The following KIF15 variants were observed in gnomAD, a reference collection of about 807,000 sequenced individuals.
KIF15 encodes the protein kinesin family member 15, also known as kinesin-like protein KIF15.
A neutral mutation model predicts 190.6 loss-of-function variants in KIF15; 140 were observed. The ratio of observed to expected loss-of-function variants is 0.73; its 90% CI spans 0.64 to 0.84. The LOEUF (loss-of-function observed/expected upper bound fraction) is 0.84, where lower values mean the gene tolerates loss of function less well. Ranked by LOEUF, KIF15 falls within the 40% of genes least tolerant of loss-of-function variation. KIF15 has a pLI of 0.00. For missense variants in KIF15, 1,372 were observed against 1,584.4 expected, an observed-to-expected ratio of 0.87 and a Z score of 2.28; for synonymous variants, 528 against 551.3, an observed-to-expected ratio of 0.96 and a Z score of 0.59.
chr3:44,855,453 A>G (rs1174382514), downstream of KIF15, among the ~76,000 whole-genome samples: 1 of 152,208 alleles, frequency 6.6e-6, no homozygotes, highest in East Asian at 1.9e-4. Context: ...AGGAAATATG[A>G]TGGCTTAGCT....
intron 7 of KIF15, among the ~76,000 whole-genome samples, chr3:44,789,952 T>G (rs1308687148): frequency 6.6e-6 from 1 of 151,998 alleles, no homozygotes; most frequent in Non-Finnish European, 1.5e-5. Context: ...AAAAGAATAA[T>G]AACAACTAAG....
At chr3:44,800,581 A>G (rs1049778437) in intron 11 of KIF15, 144 bp downstream of exon 11, 33 of 761,842 alleles carry the variant, frequency 4.3e-5, no homozygotes, top group Non-Finnish European at 6.4e-6. Context: ...ATATAGGAAC[A>G]TAGTGGTTTG....
intron 22 of KIF15, 34 bp downstream of exon 22, chr3:44,826,494 A>G (rs1697660161): frequency 7.2e-7 from 1 of 1,379,988 alleles, no homozygotes; most frequent in African/African-American, 1.4e-5. Flanking sequence ...CTAGCATACT[A>G]GAATATTGTT....
Position 44,791,940 on chromosome 3 carries a change from A to T in KIF15, c.640-2277A>T, listed in dbSNP as rs552742757. ...CACCATGTTGGTCAGGCTGGTCTTG[A>T]ACTCCTGACCTCAGGTAATCCACCT... On this transcript the variant is annotated intron_variant, in intron 7 of 34. Transcript: ENST00000326047. Among the ~76,000 whole-genome samples, 297 of 151,640 alleles carry T rather than the reference A, an allele frequency of 2.0e-3. 1 individual carries two copies. The highest frequency in any genetic ancestry group is 3.8e-3 in the Admixed American group (58 of 15,220).
intron 3 of KIF15, among the ~76,000 whole-genome samples, chr3:44,777,240 C>T (rs1201551286): frequency 6.6e-6 from 1 of 152,040 alleles, no homozygotes; most frequent in African/African-American, 2.4e-5. Flanking sequence ...TCAAGCAGTC[C>T]TCCCATCTTG....
chr3:44,811,951 A>C (rs530301537), intron 17 of KIF15, among the ~76,000 whole-genome samples: 1 of 152,274 alleles, frequency 6.6e-6, no homozygotes, highest in South Asian at 2.1e-4. Flanking sequence ...TGTATTTCAA[A>C]GTGTCTACTT....
chr3:44,779,026 CT>C, intron 4 of KIF15, among the ~76,000 whole-genome samples: 1 of 146,062 alleles, frequency 6.8e-6, no homozygotes, highest in South Asian at 2.2e-4. Flanking sequence ...AAAGATTTGT[CT>C]GTTTTCCACA....
At chr3:44,831,039 G>A (rs1575664396) in intron 26 of KIF15, 21 bp downstream of exon 26, 1 of 1,607,204 alleles carries the variant, frequency 6.2e-7, no homozygotes, top group South Asian at 1.1e-5. Context: ...ACGCATCACA[G>A]CTTCTTTGTT....
rs543986482 is a variant in KIF15, at chr3:44,801,217, G to A, written c.1223-233G>A. On this transcript the variant is annotated intron_variant, in intron 11 of 34. Transcript: ENST00000326047. ...TAGAGATCGGGGGCGGCGGGAGGGG[G>A]GGGTCTCACCATGTTGGCCAGGCTG... Among the ~76,000 whole-genome samples, 51 of 150,706 alleles carry A rather than the reference G, an allele frequency of 3.4e-4. No individual in the cohort carries two copies. The East Asian group carries it at 6.3e-3, about 19-fold the overall frequency.
intron 4 of KIF15, among the ~76,000 whole-genome samples, chr3:44,778,825 C>CA (rs542181682): frequency 3.5e-4 from 53 of 150,540 alleles, no homozygotes; most frequent in African/African-American, 1.1e-3. Context: ...ACTAAAAATA[C>CA]AAAAAAAATA....
intron 31 of KIF15, 131 bp downstream of exon 31, chr3:44,848,188 G>A: frequency 3.1e-6 from 2 of 643,874 alleles, no homozygotes; most frequent in Non-Finnish European, 2.7e-6. Flanking sequence ...CCACTGTTTA[G>A]CATGATATTT....
At chr3:44,778,534 C>T (rs1706004208) in intron 4 of KIF15, among the ~76,000 whole-genome samples, 2 of 152,182 alleles carry the variant, frequency 1.3e-5, no homozygotes, top group South Asian at 4.1e-4. Context: ...CTCCCTCTGA[C>T]AGCAGCTAAA....
At chr3:44,769,244 T>A (rs1705543508) in intron 1 of KIF15, among the ~76,000 whole-genome samples, 1 of 151,862 alleles carries the variant, frequency 6.6e-6, no homozygotes, top group East Asian at 1.9e-4. Context: ...TCCCAGGGGT[T>A]CAGGATGTAT....
At chr3:44,817,032 G>GTT (rs201158342) in intron 20 of KIF15, among the ~76,000 whole-genome samples, 13 of 148,362 alleles carry the variant, frequency 8.8e-5, no homozygotes, top group African/African-American at 2.7e-4. Context: ...CTGCATAAAT[G>GTT]TTTTTTTTTT....
intron 20 of KIF15, among the ~76,000 whole-genome samples, chr3:44,822,304 C>G (rs1559566063): frequency 6.6e-6 from 1 of 152,120 alleles, no homozygotes; most frequent in African/African-American, 2.4e-5. Context: ...GTTGAAAATT[C>G]TTTATTTAAG....
At chr3:44,780,758 T>C in intron 4 of KIF15, 127 bp from the exon 5 acceptor site, 2 of 579,758 alleles carry the variant, frequency 3.4e-6, no homozygotes, top group Non-Finnish European at 5.9e-6. Flanking sequence ...TTTTATCTAA[T>C]AGAATTTAAA....
chr3:44,803,040 T>TA (rs761334927), intron 14 of KIF15, 49 bp downstream of exon 14: 3 of 1,517,274 alleles, frequency 2.0e-6, no homozygotes, highest in South Asian at 2.7e-5. Context: ...GGGGCTGTTT[T>TA]AAAGAGCATT....
chr3:44,833,003 C>G (rs1392092808), intron 26 of KIF15, among the ~76,000 whole-genome samples: 2 of 79,364 alleles, frequency 2.5e-5, no homozygotes, highest in Non-Finnish European at 5.3e-5. Context: ...GATCGAGACT[C>G]CATCTCAAAA....
chr3:44,837,929 G>A (rs960945293), intron 26 of KIF15, among the ~76,000 whole-genome samples: 3 of 152,154 alleles, frequency 2.0e-5, no homozygotes, highest in Non-Finnish European at 4.4e-5. Flanking sequence ...GTCAATTGGT[G>A]AGACAACAAC....
Sources: gnomAD v4.1 joint callset for allele counts (sites outside exome capture counted in the v4.1 genomes callset) on GRCh38, gnomAD v4.1.1 for gene constraint, MANE v1.5 for transcripts, NCBI Gene and HGNC (gene_info 2026-07-23, HGNC 2026-07-21) for gene names.